The following ODAD2 variants were observed in gnomAD, a reference collection of about 807,000 sequenced individuals.
The protein encoded by ODAD2 is outer dynein arm docking complex subunit 2.
ODAD2 carries 89 observed loss-of-function variants against 106.8 expected under a neutral mutation model. That is an observed-to-expected ratio of 0.83 (90% confidence interval 0.70 to 0.99). The LOEUF (loss-of-function observed/expected upper bound fraction) is 0.99. Ranked by LOEUF, ODAD2 falls within the 50% of genes least tolerant of loss-of-function variation. The pLI is 0.00. For missense variants in ODAD2, 1,168 were observed against 1,238.5 expected, an observed-to-expected ratio of 0.94 and a Z score of 0.85; for synonymous variants, 404 against 436.2, an observed-to-expected ratio of 0.93 and a Z score of 0.92.
intron 7 of ODAD2, 136 bp downstream of exon 7, chr10:27,981,329 TG>T: frequency 4.4e-6 from 3 of 674,856 alleles, no homozygotes; most frequent in Non-Finnish European, 6.7e-6. Flanking sequence ...TTTTATGTTA[TG>T]TTATGTTGTA....
At chr10:27,931,355 A>G (rs545365935) in intron 16 of ODAD2, among the ~76,000 whole-genome samples, 1 of 152,212 alleles carries the variant, frequency 6.6e-6, no homozygotes, top group African/African-American at 2.4e-5. Context: ...CTCTTTTTGT[A>G]GGTTTCATGC....
intron 17 of ODAD2, among the ~76,000 whole-genome samples, chr10:27,906,741 T>C (rs1302408515): frequency 6.6e-6 from 1 of 152,148 alleles, no homozygotes; most frequent in Admixed American, 6.5e-5. Context: ...GAAACCATCA[T>C]TCTCAGCAAA....
chr10:27,900,405 C>G (rs1421257402), intron 17 of ODAD2, among the ~76,000 whole-genome samples: 1 of 152,180 alleles, frequency 6.6e-6, no homozygotes, highest in Non-Finnish European at 1.5e-5. Context: ...CAGAACATCT[C>G]TTCTCCAAAG....
At chr10:27,938,704 A>G (rs183801944) in intron 14 of ODAD2, among the ~76,000 whole-genome samples, 1 of 150,890 alleles carries the variant, frequency 6.6e-6, no homozygotes, top group East Asian at 2.0e-4. Context: ...GGTTCAAGTG[A>G]TTCTCCTGCC....
At chr10:27,856,732 C>T (rs1255350909) in intron 19 of ODAD2, among the ~76,000 whole-genome samples, 6 of 152,048 alleles carry the variant, frequency 3.9e-5, no homozygotes, top group South Asian at 2.1e-4. Flanking sequence ...GTACAAAGGC[C>T]GAGGTGGGTG....
At chr10:27,886,994 C>T (rs949310919) in intron 17 of ODAD2, among the ~76,000 whole-genome samples, 11 of 151,704 alleles carry the variant, frequency 7.3e-5, no homozygotes, top group East Asian at 3.9e-4. Flanking sequence ...GAAAACAAAG[C>T]ACAAAACAGC....
chr10:27,989,444 T>C (rs964545111), intron 2 of ODAD2, among the ~76,000 whole-genome samples: 1 of 152,226 alleles, frequency 6.6e-6, no homozygotes, highest in Non-Finnish European at 1.5e-5. Flanking sequence ...TCTGGAATAA[T>C]GCCCTTAGGA....
chr10:27,957,858 A>G (rs555507204), intron 10 of ODAD2, among the ~76,000 whole-genome samples: 1 of 152,188 alleles, frequency 6.6e-6, no homozygotes, highest in Non-Finnish European at 1.5e-5. Flanking sequence ...TTTTCCAACA[A>G]TCAGAGACAT....
chr10:27,922,560 C>T (rs1304700382), intron 16 of ODAD2, among the ~76,000 whole-genome samples: 1 of 151,982 alleles, frequency 6.6e-6, no homozygotes, highest in African/African-American at 2.4e-5. Context: ...CTATTGATTA[C>T]CATACAGGCA....
chr10:27,893,290 T>C (rs1332352740), intron 17 of ODAD2, among the ~76,000 whole-genome samples: 2 of 152,218 alleles, frequency 1.3e-5, no homozygotes, highest in Non-Finnish European at 2.9e-5. Flanking sequence ...TGAAAATGTG[T>C]TCTAATGTGT....
chr10:27,876,858 C>A (rs112357969), intron 17 of ODAD2, among the ~76,000 whole-genome samples: 1 of 152,282 alleles, frequency 6.6e-6, no homozygotes, highest in South Asian at 2.1e-4. Context: ...ATTGACTAAT[C>A]CTAAAATCTG....
chr10:27,892,493 G>A (rs972312444), intron 17 of ODAD2, among the ~76,000 whole-genome samples: 5 of 152,096 alleles, frequency 3.3e-5, no homozygotes, highest in Admixed American at 6.5e-5. Context: ...ATCAGATAAT[G>A]AATGGACCGA....
intron 6 of ODAD2, among the ~76,000 whole-genome samples, chr10:27,982,143 C>T (rs554946884): frequency 3.9e-4 from 59 of 151,452 alleles, no homozygotes; most frequent in African/African-American, 1.4e-3. Flanking sequence ...TTCCCTACCT[C>T]TATTGTTCTT....
In ODAD2 at chr10:27,983,895, T is replaced by A. The variant is rs774028749; in HGVS notation, c.767A>T (p.Asp256Val). The stretch of plus-strand genomic sequence containing the variant: ...GCAAGTAATGCACAGAGTCTCACCA[T>A]CGTGAGGTTTCACCAGCACATAACA... Reference protein sequence around the residue: ...EICYVLVKPHDGETLCITCSA... With the variant: ...EICYVLVKPHVGETLCITCSA... Residue 256 changes from aspartate (D) to valine (V), a missense_variant, in exon 6 of 20, where the codon GAT becomes GTT. This residue lies in a region of ODAD2 where 430 missense variants were observed against 452.2 expected (regional missense o/e 0.95). Coordinates refer to ENST00000305242, the MANE Select transcript of ODAD2 (RefSeq NM_018076.5). 6.2e-7 allele frequency: 1 copy of A among 1,612,312 alleles called. No homozygotes were observed. The highest frequency in any genetic ancestry group is 2.2e-5 in the East Asian group (1 of 44,864).
intron 14 of ODAD2, among the ~76,000 whole-genome samples, chr10:27,937,351 T>G (rs1846065348): frequency 1.3e-5 from 2 of 150,590 alleles, no homozygotes; most frequent in Non-Finnish European, 3.0e-5. Context: ...TTTTTTTTTT[T>G]TTTTGAGAGA....
At chr10:27,940,232 A>T (rs1296530361) in intron 13 of ODAD2, among the ~76,000 whole-genome samples, 1 of 139,010 alleles carries the variant, frequency 7.2e-6, no homozygotes, top group East Asian at 2.1e-4. Context: ...GTCAGCATAT[A>T]TGTGTGATAT....
At chr10:27,887,414 T>C (rs1005538604) in intron 17 of ODAD2, among the ~76,000 whole-genome samples, 2 of 151,948 alleles carry the variant, frequency 1.3e-5, no homozygotes, top group Non-Finnish European at 2.9e-5. Context: ...CCATCATGCA[T>C]TGAACAACTA....
At chr10:27,978,425 C>T (rs1180325242) in intron 7 of ODAD2, among the ~76,000 whole-genome samples, 2 of 152,106 alleles carry the variant, frequency 1.3e-5, no homozygotes, top group East Asian at 1.9e-4. Flanking sequence ...CTCTAACATC[C>T]GAATCCTCAA....
intron 17 of ODAD2, among the ~76,000 whole-genome samples, chr10:27,875,721 C>T (rs1467867285): frequency 2.0e-5 from 3 of 152,092 alleles, no homozygotes; most frequent in South Asian, 2.1e-4. Context: ...TGCAGCCCAC[C>T]GAGCATGAGC....
Sources: allele counts gnomAD v4.1 joint callset (sites outside exome capture counted in the v4.1 genomes callset), GRCh38; gene constraint gnomAD v4.1.1; regional missense constraint gnomAD v4.1.1; transcripts MANE v1.5; gene names NCBI Gene and HGNC (gene_info 2026-07-23, HGNC 2026-07-21).